The following CALN1 variants were observed in gnomAD, a reference collection of about 807,000 sequenced individuals.
CALN1 encodes the protein calcium-binding protein 8.
Under a neutral mutation model 30.6 loss-of-function variants are expected in CALN1, and 17 were observed. That is an observed-to-expected ratio of 0.56 (90% CI 0.38 to 0.83). CALN1 has a LOEUF of 0.83. Ranked by LOEUF, CALN1 falls within the 40% of genes least tolerant of loss-of-function variation. The probability of loss-of-function intolerance (pLI) is 0.00; values close to 1 mark genes in which losing one functional copy is unlikely to be tolerated. For synonymous variants in CALN1, 156 were observed against 131.4 expected (o/e 1.19, Z -1.28); for missense variants, 291 against 354.9 (o/e 0.82, Z 1.45).
chr7:72,499,822 C>CTTCT, the CALN1 span, among the ~76,000 whole-genome samples: 6 of 48,594 alleles, frequency 1.2e-4, no homozygotes, highest in African/African-American at 6.2e-4. Context: ...TCCTTCCTTC[C>CTTCT]TTCCTTCTTT....
At chr7:72,255,731 ATTTT>A (rs10536438) in intron 3 of CALN1, among the ~76,000 whole-genome samples, 5 of 137,536 alleles carry the variant, frequency 3.6e-5, no homozygotes, top group Admixed American at 1.5e-4. Flanking sequence ...CACTTAAATA[ATTTT>A]TTTTTTTTTT....
chr7:71,987,181 C>T (rs28463576), intron 5 of CALN1, among the ~76,000 whole-genome samples: 129 of 151,862 alleles, frequency 8.5e-4, no homozygotes, highest in African/African-American at 3.0e-3. Flanking sequence ...AGAATTTTCA[C>T]CTAGGGACAA....
chr7:72,017,170 TAAAA>T (rs58672373), intron 5 of CALN1, among the ~76,000 whole-genome samples: 24 of 88,100 alleles, frequency 2.7e-4, no homozygotes, highest in East Asian at 1.1e-3. Flanking sequence ...TCTCAAAAAT[TAAAA>T]AAAAAAAAAA....
intron 4 of CALN1, among the ~76,000 whole-genome samples, chr7:72,048,909 C>G (rs575764007): frequency 1.3e-5 from 2 of 152,142 alleles, no homozygotes; most frequent in South Asian, 2.1e-4. Flanking sequence ...ATTTTCGGCC[C>G]AAGCAATCCT....
intron 5 of CALN1, among the ~76,000 whole-genome samples, chr7:71,886,140 G>T (rs572513981): frequency 2.0e-5 from 3 of 152,368 alleles, no homozygotes; most frequent in Non-Finnish European, 4.4e-5. Flanking sequence ...AAAGACAGTT[G>T]TAAGTTTTCT....
intron 3 of CALN1, among the ~76,000 whole-genome samples, chr7:72,268,029 T>C (rs1229236095): frequency 6.6e-6 from 1 of 152,050 alleles, no homozygotes; most frequent in Non-Finnish European, 1.5e-5. Flanking sequence ...AATAAATAAA[T>C]AAAAATTAAT....
At chr7:72,250,008 CCTG>C (rs1379355018) in intron 3 of CALN1, among the ~76,000 whole-genome samples, 1 of 151,154 alleles carries the variant, frequency 6.6e-6, no homozygotes, top group Admixed American at 6.6e-5. Context: ...CCATGCTGAT[CCTG>C]CTAAGACCGC....
At chr7:72,036,298 T>G (rs1204540340) in intron 4 of CALN1, among the ~76,000 whole-genome samples, 1 of 152,246 alleles carries the variant, frequency 6.6e-6, no homozygotes, top group Non-Finnish European at 1.5e-5. Context: ...TTTTGAAAGC[T>G]GATAATGTGT....
chr7:72,209,569 T>C (rs1173700542), intron 3 of CALN1, among the ~76,000 whole-genome samples: 2 of 151,538 alleles, frequency 1.3e-5, no homozygotes, highest in African/African-American at 2.4e-5. Context: ...CTCCCTCTCT[T>C]TCTCTTTGCA....
intron 5 of CALN1, among the ~76,000 whole-genome samples, chr7:71,901,529 G>A (rs1356120747): frequency 6.6e-6 from 1 of 151,328 alleles, no homozygotes; most frequent in Non-Finnish European, 1.5e-5. Flanking sequence ...ATACTACAAG[G>A]CTGCAGTAAC....
intron 3 of CALN1, among the ~76,000 whole-genome samples, chr7:72,172,778 G>A (rs549741640): frequency 6.6e-6 from 1 of 152,270 alleles, no homozygotes; most frequent in South Asian, 2.1e-4. Flanking sequence ...ATTAGAAATA[G>A]TGGGTAATTT....
chr7:72,393,528 G>A (rs1346784997), intron 2 of CALN1, among the ~76,000 whole-genome samples: 2 of 152,106 alleles, frequency 1.3e-5, no homozygotes, highest in African/African-American at 4.8e-5. Context: ...GTTTTTAACA[G>A]TACAATGTCT....
At chr7:72,217,603 G>A (rs1000501962) in intron 3 of CALN1, among the ~76,000 whole-genome samples, 3 of 152,024 alleles carry the variant, frequency 2.0e-5, no homozygotes, top group African/African-American at 7.2e-5. Context: ...CATCAGAGAA[G>A]GTCTAGGGGA....
At chr7:72,365,067 G>T (rs1254260198) in intron 2 of CALN1, among the ~76,000 whole-genome samples, 1 of 152,202 alleles carries the variant, frequency 6.6e-6, no homozygotes, top group South Asian at 2.1e-4. Flanking sequence ...CACTTTGGGA[G>T]GCCAAGGCAG....
chr7:72,245,920 T>C (rs1456450586), intron 3 of CALN1, among the ~76,000 whole-genome samples: 1 of 152,230 alleles, frequency 6.6e-6, no homozygotes, highest in Non-Finnish European at 1.5e-5. Context: ...AAGGTCTCAC[T>C]GCCCTGGCAG....
chr7:71,833,612 A>T (rs1163395486), intron 5 of CALN1, among the ~76,000 whole-genome samples: 1 of 151,512 alleles, frequency 6.6e-6, no homozygotes, highest in African/African-American at 2.4e-5. Context: ...AGGATGAAGA[A>T]TCAGAAGACC....
the CALN1 span, among the ~76,000 whole-genome samples, chr7:72,471,264 T>A: frequency 6.6e-6 from 1 of 152,200 alleles, no homozygotes; most frequent in Non-Finnish European, 1.5e-5. Flanking sequence ...TTCCTTTTCA[T>A]GAGGCATTTC....
At chr7:71,801,428 GTATC>G (rs58500083) in intron 6 of CALN1, among the ~76,000 whole-genome samples, 1,668 of 87,648 alleles carry the variant, frequency 0.019, 17 homozygotes, top group East Asian at 0.049. Context: ...ATGTATGTAT[GTATC>G]TATCTATCTA....
At chr7:72,303,721 A>G (rs558872611) in intron 2 of CALN1, among the ~76,000 whole-genome samples, 1 of 152,136 alleles carries the variant, frequency 6.6e-6, no homozygotes, top group South Asian at 2.1e-4. Flanking sequence ...TAAATGTTAC[A>G]GCACTAGGTG....
Sources: allele counts gnomAD v4.1 joint callset (sites outside exome capture counted in the v4.1 genomes callset), GRCh38; gene constraint gnomAD v4.1.1; transcripts MANE v1.5; gene names NCBI Gene and HGNC (gene_info 2026-07-23, HGNC 2026-07-21).